Variants in CKMT2 observed in about 807,000 individuals in gnomAD.
CKMT2 encodes creatine kinase S-type, mitochondrial.
CKMT2 carries 43 observed loss-of-function variants against 48.9 expected under a neutral mutation model. That is an observed-to-expected ratio of 0.88 (90% CI 0.69 to 1.13). CKMT2 has a LOEUF of 1.13. Among genes scored for constraint, CKMT2 ranks in the 50% most tolerant of loss-of-function variants. The pLI is 0.00. For missense variants in CKMT2, 472 were observed against 555.4 expected (o/e 0.85, Z 1.51); for synonymous variants, 206 against 213.0 (o/e 0.97, Z 0.29).
rs551618081 is a variant in CKMT2, at chr5:81,234,113, G to C, written c.-21+736G>C. ...TGTTCTTCACTAGCTTGCTTGCTTG[G>C]TTGGTTGTCCCGGGGTTAAAATCAG... On this transcript the variant is annotated intron_variant, in intron 1 of 9. Transcript: ENST00000254035. 2.8e-3 allele frequency among the ~76,000 whole-genome samples: 196 copies of C among 68,798 alleles called. 1 individual carries two copies. The highest frequency in any genetic ancestry group is 4.7e-3 in the Non-Finnish European group (158 of 33,368). 45.1% of individuals were successfully genotyped at this position (68,798 alleles called of 152,430 possible).
chr5:81,259,838 C>G (rs1177491670), intron 8 of CKMT2, among the ~76,000 whole-genome samples: 1 of 152,192 alleles, frequency 6.6e-6, no homozygotes, highest in Admixed American at 6.5e-5. Flanking sequence ...CAAGGATATG[C>G]AGGACTTGAA....
intron 8 of CKMT2, among the ~76,000 whole-genome samples, chr5:81,260,487 AAG>A (rs1491353898): frequency 1.3e-5 from 2 of 152,202 alleles, no homozygotes; most frequent in Non-Finnish European, 2.9e-5. Context: ...TCAGGCTAAA[AAG>A]AGAGAAGAAT....
chr5:81,266,122 C>T lies in CKMT2; in HGVS notation c.1141-17C>T. 1.9e-6 allele frequency: 3 copies of T among 1,609,808 alleles called. No homozygotes were observed. The highest frequency in any genetic ancestry group is 2.5e-6 in the Non-Finnish European group (3 of 1,176,738). On this transcript the variant is annotated splice_polypyrimidine_tract_variant and intron_variant, in intron 9 of 9. Coordinates refer to ENST00000254035, the MANE Select transcript of CKMT2 (RefSeq NM_001099735.2). Reference sequence around the variant, plus strand: ...GCTTCTATTCAAATTAATCATTCATCTTCTTCACTGTCAAAGGTTGAGCTT... The same window carrying T: ...GCTTCTATTCAAATTAATCATTCATTTTCTTCACTGTCAAAGGTTGAGCTT...
At chr5:81,247,937 A>G (rs1363265570) in intron 1 of CKMT2, among the ~76,000 whole-genome samples, 1 of 149,912 alleles carries the variant, frequency 6.7e-6, no homozygotes, top group Non-Finnish European at 1.5e-5. Context: ...TGTTGCTCAG[A>G]CACAAGGGCA....
chr5:81,252,346 TTG>T, intron 2 of CKMT2: 1 of 266,190 alleles, frequency 3.8e-6, no homozygotes, highest in Non-Finnish European at 7.3e-6. Context: ...GTGACATGAC[TTG>T]TGTTTGAGGC....
At chr5:81,254,320 G>T in intron 3 of CKMT2, 76 bp from the exon 4 acceptor site, 1 of 1,271,026 alleles carries the variant, frequency 7.9e-7, no homozygotes, top group South Asian at 1.2e-5. Context: ...TAAGATACAA[G>T]GGGCAAGTGA....
intron 7 of CKMT2, among the ~76,000 whole-genome samples, chr5:81,258,875 G>GT (rs765826893): frequency 8.5e-5 from 13 of 152,266 alleles, no homozygotes; most frequent in Admixed American, 5.2e-4. Context: ...TATCTTTCAA[G>GT]ACACCGGTCC....
intron 9 of CKMT2, 110 bp downstream of exon 9, chr5:81,263,726 C>T: frequency 1.1e-6 from 1 of 893,116 alleles, no homozygotes; most frequent in Non-Finnish European, 1.7e-6. Flanking sequence ...CTCCTCTTCG[C>T]CCATTGAGTC....
At chr5:81,238,628 A>C (rs547401548) in intron 1 of CKMT2, 2 of 152,560 alleles carry the variant, frequency 1.3e-5, no homozygotes, top group South Asian at 4.1e-4. Context: ...CTATGGCTCC[A>C]GTGCCACGTG....
chr5:81,236,147 T>A (rs1470123488), intron 1 of CKMT2: 1 of 152,074 alleles, frequency 6.6e-6, no homozygotes, highest in Non-Finnish European at 1.5e-5. Context: ...AGAGAACAAG[T>A]TTATAATCTG....
At chr5:81,264,058 T>G (rs561906212) in intron 9 of CKMT2, among the ~76,000 whole-genome samples, 1 of 152,374 alleles carries the variant, frequency 6.6e-6, no homozygotes, top group Non-Finnish European at 1.5e-5. Context: ...CACTTTGGTG[T>G]TCTTAGATAC....
intron 1 of CKMT2, among the ~76,000 whole-genome samples, chr5:81,241,513 G>A (rs1756433003): frequency 6.6e-6 from 1 of 152,156 alleles, no homozygotes; most frequent in African/African-American, 2.4e-5. Flanking sequence ...CAGTGGGAGG[G>A]CAGTGGGTAG....
chr5:81,261,891 C>T (rs958663416), intron 8 of CKMT2, among the ~76,000 whole-genome samples: 6 of 152,270 alleles, frequency 3.9e-5, no homozygotes, highest in African/African-American at 1.2e-4. Context: ...CAAGTCAATC[C>T]TAAGCAAAAA....
chr5:81,238,063 G>A (rs1309794099), intron 1 of CKMT2: 1 of 152,198 alleles, frequency 6.6e-6, no homozygotes, highest in African/African-American at 2.4e-5. Flanking sequence ...GGCTGGGCGT[G>A]GTGGCTCACA....
At chr5:81,258,053 C>CGAGATCT in intron 7 of CKMT2, 197 bp downstream of exon 7, 1 of 438,194 alleles carries the variant, frequency 2.3e-6, no homozygotes, top group Non-Finnish European at 4.1e-6. Context: ...GTGCCACCAC[C>CGAGATCT]ACACCTGGCT....
chr5:81,250,974 CACACAG>C, intron 1 of CKMT2, 133 bp from the exon 2 acceptor site: 1 of 662,730 alleles, frequency 1.5e-6, no homozygotes, highest in Non-Finnish European at 2.6e-6. Flanking sequence ...CACACACACA[CACACAG>C]AAAGAGAGAG....
At position 81,257,028 on chromosome 5, in the gene CKMT2, A is replaced by C. The variant is rs144166616; in HGVS notation, c.755+28A>C. The C allele has an allele frequency of 2.0e-4, 314 of 1,582,726 alleles. 1 individual carries two copies. The African/African-American group carries it at 3.6e-3, about 18-fold the overall frequency. On this transcript the variant is annotated intron_variant, in intron 6 of 9. Transcript: ENST00000254035. Reference sequence around the variant, plus strand: ...ATGGATGCAGCATTTTCACATTTGCAATATCTGTAGAGGATGTTTTTGAGA... The same window carrying C: ...ATGGATGCAGCATTTTCACATTTGCCATATCTGTAGAGGATGTTTTTGAGA...
rs1757381344 is a variant in CKMT2 at position 81,266,235 on chromosome 5, C to T, written c.1237C>T (p.Leu413=). 6.2e-7 allele frequency: 1 copy of T among 1,613,338 alleles called. No individual in the cohort carries two copies. The highest frequency in any genetic ancestry group is 1.3e-5 in the African/African-American group (1 of 75,050). The change falls in exon 10 of 10, where the codon CTG becomes TTG. Residue 413 remains leucine, a synonymous_variant. Coordinates refer to ENST00000254035, the MANE Select transcript of CKMT2 (RefSeq NM_001099735.2). ...CCAAGATATTAAGGTGCCACCCCCT[C>T]TGCCTCAGTTTGGCAAAAAGTAAAC... ...RGQDIKVPPP[L]PQFGKK is the part of the protein sequence containing the mutation.
chr5:81,256,181 A>G (rs141828936), intron 5 of CKMT2, among the ~76,000 whole-genome samples: 1,989 of 152,260 alleles, frequency 0.013, 24 homozygotes, highest in Non-Finnish European at 0.015. Flanking sequence ...TGCAAAAAAA[A>G]AAGTCTTGAC....
Sources: gnomAD v4.1 joint callset for allele counts (sites outside exome capture counted in the v4.1 genomes callset) on GRCh38, gnomAD v4.1.1 for gene constraint, MANE v1.5 for transcripts, NCBI Gene and HGNC (gene_info 2026-07-23, HGNC 2026-07-21) for gene names.